The following DSE variants were observed in gnomAD, a reference collection of about 807,000 sequenced individuals.
DSE encodes dermatan-sulfate epimerase.
A neutral mutation model predicts 84.4 loss-of-function variants in DSE; 36 were observed. That is an observed-to-expected ratio of 0.43 (90% CI 0.33 to 0.56). DSE has a LOEUF of 0.56. DSE is among the 20% of genes least tolerant of loss of function. The pLI is 0.06. For synonymous variants in DSE, 410 were observed against 430.1 expected (o/e 0.95, Z 0.58); for missense variants, 862 against 1,169.6 (o/e 0.74, Z 3.84).
chr6:116,280,623 A>C (rs1562200247), intron 2 of DSE, among the ~76,000 whole-genome samples: 1 of 152,206 alleles, frequency 6.6e-6, no homozygotes, highest in African/African-American at 2.4e-5. Context: ...GTTATGTAAG[A>C]TAGGAATGTT....
intron 2 of DSE, among the ~76,000 whole-genome samples, chr6:116,269,019 A>T (rs1034253095): frequency 5.8e-5 from 3 of 51,668 alleles, no homozygotes; most frequent in Middle Eastern, 0.012. Flanking sequence ...ATAATACTTT[A>T]AAAAAAAAAA....
exon 2 of DSE, chr6:116,258,682 C>T (rs1223032487): frequency 1.9e-6 from 3 of 1,608,136 alleles, no homozygotes; most frequent in Admixed American, 1.7e-5. Flanking sequence ...ATTCACACGG[C>T]GAAGTGGGGA....
At chr6:116,361,046 T>C (rs1278472413) in intron 2 of DSE, among the ~76,000 whole-genome samples, 1 of 152,200 alleles carries the variant, frequency 6.6e-6, no homozygotes, top group African/African-American at 2.4e-5. Flanking sequence ...TTTAAAATTA[T>C]GTAACTGAAG....
chr6:116,435,677 A>G lies in DSE; in HGVS notation c.1209A>G (p.Gly403=). 1 of 1,614,120 alleles carries G rather than the reference A, an allele frequency of 6.2e-7. No homozygotes were observed. The highest frequency in any genetic ancestry group is 8.5e-7 in the Non-Finnish European group (1 of 1,179,982). The change falls in exon 6 of 6, where the codon GGA becomes GGG. Residue 403 remains glycine, a synonymous_variant. Transcript: ENST00000644252. ...AAGACTGGGGTGTCGTGACTTATGG[A>G]AGTGCACTACCTGCAGAAATCAATA... ...YFEDWGVVTY[G]SALPAEINRS...
chr6:116,273,591 C>T (rs1488581908), intron 2 of DSE, among the ~76,000 whole-genome samples: 2 of 152,134 alleles, frequency 1.3e-5, no homozygotes, highest in African/African-American at 4.8e-5. Flanking sequence ...TGGTCAACTC[C>T]TCTCAGCCAG....
At position 116,349,857 on chromosome 6, in the gene DSE, G is replaced by T. The variant is rs568695122; in HGVS notation, c.-53-49341G>T. On this transcript the variant is annotated intron_variant, in intron 2 of 3. Coordinates refer to the DSE transcript ENST00000430252. ...ACACTTCTCAGGTTGTATGCCTTTGGTTGATTTTCAGAGTGCTAAAATGAT... is the reference window on the plus strand; with the variant it reads ...ACACTTCTCAGGTTGTATGCCTTTGTTTGATTTTCAGAGTGCTAAAATGAT... Among the ~76,000 whole-genome samples, 4 of 152,116 alleles carry T rather than the reference G, an allele frequency of 2.6e-5. No individual in the cohort carries two copies. In the East Asian group the frequency reaches 7.7e-4, roughly 29 times the overall value.
intron 2 of DSE, among the ~76,000 whole-genome samples, chr6:116,405,649 C>T (rs530957694): frequency 6.6e-6 from 1 of 152,154 alleles, no homozygotes; most frequent in African/African-American, 2.4e-5. Context: ...CTTTTTACAA[C>T]GATCAAATTA....
At chr6:116,362,244 G>A (rs1387276378) in intron 2 of DSE, among the ~76,000 whole-genome samples, 1 of 152,184 alleles carries the variant, frequency 6.6e-6, no homozygotes, top group East Asian at 1.9e-4. Context: ...AAACTCAAAG[G>A]TACATAAGAA....
At chr6:116,379,438 T>C (rs1332124013) in intron 1 of DSE, among the ~76,000 whole-genome samples, 2 of 152,208 alleles carry the variant, frequency 1.3e-5, no homozygotes, top group Admixed American at 6.5e-5. Flanking sequence ...CTGGCCCCTT[T>C]AGTTTCCAGA....
intron 2 of DSE, among the ~76,000 whole-genome samples, chr6:116,307,940 G>A (rs1231904381): frequency 3.3e-5 from 5 of 152,208 alleles, no homozygotes; most frequent in East Asian, 1.9e-4. Context: ...TCTTTCAATA[G>A]TCATCTCTAT....
intron 2 of DSE, among the ~76,000 whole-genome samples, chr6:116,415,333 A>G (rs1227166108): frequency 6.6e-6 from 1 of 152,178 alleles, no homozygotes; most frequent in East Asian, 1.9e-4. Flanking sequence ...GATGCTTTGA[A>G]TGAAACCTGA....
At chr6:116,281,408 A>G (rs1233513362) in intron 2 of DSE, among the ~76,000 whole-genome samples, 1 of 152,226 alleles carries the variant, frequency 6.6e-6, no homozygotes, top group Non-Finnish European at 1.5e-5. Context: ...TTACAGAAGC[A>G]ATATGAAATG....
rs961060965 is a variant in DSE, at chr6:116,353,880, T to A, written c.-53-45318T>A. ...AACAATTTGGTAATTATTTTAAATTTAAAAAAATCTTATAATCAATCTAAA... is the reference window on the plus strand; with the variant it reads ...AACAATTTGGTAATTATTTTAAATTAAAAAAAATCTTATAATCAATCTAAA... On this transcript the variant is annotated intron_variant, in intron 2 of 3. Transcript: ENST00000430252. 3.3e-5 allele frequency among the ~76,000 whole-genome samples: 5 copies of A among 152,128 alleles called. No homozygotes were observed. In the East Asian group the frequency reaches 9.6e-4, roughly 29 times the overall value.
intron 2 of DSE, among the ~76,000 whole-genome samples, chr6:116,286,384 C>T (rs1773907182): frequency 6.6e-6 from 1 of 152,122 alleles, no homozygotes; most frequent in African/African-American, 2.4e-5. Context: ...CCCCTATCCA[C>T]AAGCATATTA....
At chr6:116,342,389 C>A (rs1777663240) in intron 2 of DSE, among the ~76,000 whole-genome samples, 2 of 148,374 alleles carry the variant, frequency 1.3e-5, no homozygotes, top group Non-Finnish European at 3.0e-5. Context: ...TCAGGTAATT[C>A]TCCTGCCTCA....
intron 2 of DSE, among the ~76,000 whole-genome samples, chr6:116,301,751 C>T (rs529412363): frequency 6.6e-6 from 1 of 152,264 alleles, no homozygotes; most frequent in East Asian, 1.9e-4. Flanking sequence ...CCGTCATCTG[C>T]TTTAGGTATT....
In DSE at chr6:116,360,972, T is replaced by C. The variant is rs538558504; in HGVS notation, c.-53-38226T>C. Among the ~76,000 whole-genome samples the C allele has an allele frequency of 1.4e-3, 216 of 152,306 alleles. 1 individual carries two copies. The highest frequency in any genetic ancestry group is 4.9e-3 in the African/African-American group (203 of 41,566). On this transcript the variant is annotated intron_variant, in intron 2 of 3. Transcript: ENST00000430252. Reference sequence around the variant, plus strand: ...TTTTTTACAGCTATTATTGTAAAATTTGAGGAAAATGACATCTATAATTTT... The same window carrying C: ...TTTTTTACAGCTATTATTGTAAAATCTGAGGAAAATGACATCTATAATTTT...
intron 2 of DSE, among the ~76,000 whole-genome samples, chr6:116,407,081 C>A (rs1176455618): frequency 6.6e-6 from 1 of 152,182 alleles, no homozygotes; most frequent in Non-Finnish European, 1.5e-5. Context: ...GACACTCTTT[C>A]TTAAAGTGTG....
At chr6:116,371,225 A>T (rs1779535326) in intron 1 of DSE, 104 bp downstream of exon 1, 1 of 982,330 alleles carries the variant, frequency 1.0e-6, no homozygotes, top group Middle Eastern at 5.3e-4. Flanking sequence ...CGGGCGGGAG[A>T]CGGAGAGCCA....
Sources: allele counts gnomAD v4.1 joint callset (sites outside exome capture counted in the v4.1 genomes callset), GRCh38; gene constraint gnomAD v4.1.1; transcripts MANE v1.5; gene names NCBI Gene and HGNC (gene_info 2026-07-23, HGNC 2026-07-21).